Variants in DNAH6 observed in about 807,000 individuals in gnomAD.
DNAH6 encodes the protein axonemal beta dynein heavy chain 6.
DNAH6 carries 340 observed loss-of-function variants against 491.4 expected under a neutral mutation model. The observed-to-expected ratio is 0.69, with a 90% CI of 0.63 to 0.76. The LOEUF (loss-of-function observed/expected upper bound fraction) is 0.76. DNAH6 is among the 30% of genes least tolerant of loss of function. The pLI, the probability that DNAH6 is intolerant of heterozygous loss-of-function variation, is 0.00. For missense variants in DNAH6, 4,443 were observed against 4,972.2 expected, an observed-to-expected ratio of 0.89 and a Z score of 3.20; for synonymous variants, 1,603 against 1,686.1, an observed-to-expected ratio of 0.95 and a Z score of 1.21.
chr2:84,485,657 T>C, the DNAH6 span, among the ~76,000 whole-genome samples: 1 of 152,078 alleles, frequency 6.6e-6, no homozygotes, highest in Admixed American at 6.6e-5. Flanking sequence ...TTCTCCAATA[T>C]TGGAGATTTA....
intron 14 of DNAH6, 60 bp from the exon 15 acceptor site, chr2:84,583,939 A>G (rs1173715766): frequency 6.4e-7 from 1 of 1,573,350 alleles, no homozygotes; most frequent in Non-Finnish European, 8.7e-7. Context: ...TGTTAGAACA[A>G]ACTTCAAGAC....
chr2:84,603,283 A>T (rs1396053300), intron 18 of DNAH6, among the ~76,000 whole-genome samples: 2 of 152,028 alleles, frequency 1.3e-5, no homozygotes, highest in Non-Finnish European at 2.9e-5. Context: ...CATTAAATCT[A>T]ATTAGGAATT....
At chr2:84,508,050 A>C in the DNAH6 span, among the ~76,000 whole-genome samples, 7 of 152,188 alleles carry the variant, frequency 4.6e-5, no homozygotes, top group Admixed American at 4.6e-4. Context: ...TGTCTCTGCC[A>C]GGCTTTGGTA....
Position 84,621,443 on chromosome 2 carries a change from C to T in DNAH6, c.3963C>T (p.Ile1321=), listed in dbSNP as rs1319472768. The change falls in exon 26 of 77, where the codon ATC becomes ATT. Residue 1321 remains isoleucine (I), a synonymous_variant. Transcript: ENST00000389394. The part of the protein sequence containing the change: ...WVVAGHPSQV[I]LTVSQIMWCR... ...AGAAACATGTTTTCTTGCAGGTTAT[C>T]CTGACTGTTTCTCAAATTATGTGGT... 1.9e-6 allele frequency: 3 copies of T among 1,540,744 alleles called. No individual in the cohort carries two copies. The South Asian group carries it at 3.6e-5, about 18-fold the overall frequency.
intron 54 of DNAH6, among the ~76,000 whole-genome samples, chr2:84,707,998 C>T (rs903674120): frequency 6.6e-6 from 1 of 152,130 alleles, no homozygotes; most frequent in Admixed American, 6.5e-5. Context: ...ACAGTGAGTC[C>T]CCTACCCTTA....
intron 37 of DNAH6, among the ~76,000 whole-genome samples, chr2:84,667,967 T>A (rs183494857): frequency 5.8e-4 from 88 of 152,318 alleles, no homozygotes; most frequent in African/African-American, 1.9e-3. Context: ...GAAACCATCA[T>A]TCTGAGCAAA....
At chr2:84,786,188 G>A (rs937997584) in intron 67 of DNAH6, among the ~76,000 whole-genome samples, 4 of 152,140 alleles carry the variant, frequency 2.6e-5, no homozygotes, top group African/African-American at 9.7e-5. Context: ...CATTTTGGGA[G>A]GCCAACATGG....
At chr2:84,558,035 T>G (rs1401292729) in intron 11 of DNAH6, 100 bp downstream of exon 11, 5 of 792,280 alleles carry the variant, frequency 6.3e-6, no homozygotes, top group Admixed American at 3.1e-5. Flanking sequence ...GTTCTACATG[T>G]GAAAATTGGC....
At chr2:84,491,530 A>G in the DNAH6 span, among the ~76,000 whole-genome samples, 3 of 152,184 alleles carry the variant, frequency 2.0e-5, no homozygotes, top group Non-Finnish European at 2.9e-5. Flanking sequence ...AGTCCAAATC[A>G]AACATAGGGG....
chr2:84,541,361 C>G (rs1678224185), intron 4 of DNAH6, among the ~76,000 whole-genome samples: 1 of 152,172 alleles, frequency 6.6e-6, no homozygotes, highest in Non-Finnish European at 1.5e-5. Flanking sequence ...GCCCCTTCTA[C>G]CTACCGACTG....
chr2:84,467,375 C>T, the DNAH6 span, among the ~76,000 whole-genome samples: 1 of 152,116 alleles, frequency 6.6e-6, no homozygotes, highest in Non-Finnish European at 1.5e-5. Flanking sequence ...ACAGTGTTAA[C>T]GCTTAGCAAC....
At position 84,573,572 on chromosome 2, in the gene DNAH6, A is replaced by C. The variant is rs372323736; in HGVS notation, c.1909A>C (p.Lys637Gln). ...ENESLDLQALKLQEPDINFFS... is the reference protein window; with the variant it reads ...ENESLDLQALQLQEPDINFFS... Reference sequence around the variant, plus strand: ...TGAAAGTCTTGATTTACAAGCTCTTAAACTTCAGGAACCTGGTAACTTGTC... The same window carrying C: ...TGAAAGTCTTGATTTACAAGCTCTTCAACTTCAGGAACCTGGTAACTTGTC... Residue 637 changes from lysine to glutamine, a missense_variant, in exon 12 of 77, where the codon AAA becomes CAA. Lys to Gln is a moderately conservative substitution (Grantham distance 53). This residue lies in a region of DNAH6 where 2,977 missense variants were observed against 3,296.6 expected (regional missense o/e 0.90). Transcript: ENST00000389394. 4 of 1,574,074 alleles carry C rather than the reference A, an allele frequency of 2.5e-6. No individual in the cohort carries two copies. The African/African-American group carries it at 5.6e-5, about 22-fold the overall frequency.
At chr2:84,763,355 C>A (rs183552272) in intron 64 of DNAH6, among the ~76,000 whole-genome samples, 239 of 152,116 alleles carry the variant, frequency 1.6e-3, no homozygotes, top group African/African-American at 5.4e-3. Flanking sequence ...GTAATAGGGA[C>A]AAGGGGGATG....
chr2:84,676,881 G>C (rs1693275921), intron 40 of DNAH6, 124 bp from the exon 41 acceptor site: 3 of 1,062,262 alleles, frequency 2.8e-6, no homozygotes, highest in Admixed American at 2.5e-5. Context: ...TGAGAATTAA[G>C]TCATTTAACA....
chr2:84,539,310 A>G (rs1678009094), intron 4 of DNAH6, among the ~76,000 whole-genome samples: 1 of 152,092 alleles, frequency 6.6e-6, no homozygotes, highest in Admixed American at 6.6e-5. Context: ...CCCTTCCTTC[A>G]AACACATGCA....
Position 84,577,586 on chromosome 2 carries a change from C to T in DNAH6, c.2076+178C>T, listed in dbSNP as rs117984264. Among the ~76,000 whole-genome samples, 325 of 152,188 alleles carry T rather than the reference C, an allele frequency of 2.1e-3. 9 individuals carry two copies. In the East Asian group the frequency reaches 0.058, roughly 27 times the overall value. ...ATAGTCTTTTTGTCACAAGCATAAT[C>T]AGCTTTTTAGATGAGATAATGGAGG... On this transcript the variant is annotated intron_variant, in intron 13 of 76. Coordinates refer to ENST00000389394, the MANE Select transcript of DNAH6 (RefSeq NM_001370.2).
Position 84,781,618 on chromosome 2 carries a change from C to A in DNAH6, c.10829C>A (p.Ala3610Glu). Residue 3610 changes from alanine to glutamate, a missense_variant, in exon 65 of 77, where the codon GCA becomes GAA. Physicochemically the swap from Ala to Glu is moderately radical, Grantham distance 107. Transcript: ENST00000389394. ...NCHLAVSWMLAMEELIKTFTD... is the reference protein window; with the variant it reads ...NCHLAVSWMLEMEELIKTFTD... ...CATCTTGCTGTTTCTTGGATGTTGG[C>A]AATGGAAGAGCTCATTAAAACCTTC... 6.4e-7 allele frequency: 1 copy of A among 1,551,854 alleles called. No homozygotes were observed. The highest frequency in any genetic ancestry group is 1.4e-5 in the African/African-American group (1 of 73,146).
intron 4 of DNAH6, among the ~76,000 whole-genome samples, chr2:84,536,226 G>A (rs1423129438): frequency 2.0e-5 from 3 of 151,996 alleles, no homozygotes; most frequent in African/African-American, 4.8e-5. Flanking sequence ...CAAGAATTGG[G>A]AAGTATTTTG....
At chr2:84,553,359 CT>C (rs1377318916) in intron 10 of DNAH6, among the ~76,000 whole-genome samples, 7 of 36,094 alleles carry the variant, frequency 1.9e-4, no homozygotes, top group African/African-American at 2.4e-4. Context: ...CTTTTCTTTT[CT>C]TTTCTTTTCT....
Sources: allele counts gnomAD v4.1 joint callset (sites outside exome capture counted in the v4.1 genomes callset), GRCh38; gene constraint gnomAD v4.1.1; regional missense constraint gnomAD v4.1.1; transcripts MANE v1.5; gene names NCBI Gene and HGNC (gene_info 2026-07-23, HGNC 2026-07-21).